The following RPS6KC1 variants were observed in gnomAD, a reference collection of about 807,000 sequenced individuals.
The protein encoded by RPS6KC1 is inactive ribosomal protein S6 kinase delta-1.
Under a neutral mutation model 103.8 loss-of-function variants are expected in RPS6KC1, and 54 were observed. The ratio of observed to expected loss-of-function variants is 0.52; its 90% CI spans 0.42 to 0.65. The LOEUF (loss-of-function observed/expected upper bound fraction) is 0.65, where lower values mean the gene tolerates loss of function less well. RPS6KC1 is among the 30% of genes least tolerant of loss of function. RPS6KC1 has a pLI of 0.00. For synonymous variants in RPS6KC1, 439 were observed against 438.7 expected (o/e 1.00, Z -0.01); for missense variants, 1,151 against 1,253.8 (o/e 0.92, Z 1.24).
chr1:213,266,167 G>A (rs915087767), intron 14 of RPS6KC1, among the ~76,000 whole-genome samples: 2 of 152,080 alleles, frequency 1.3e-5, no homozygotes, highest in Non-Finnish European at 2.9e-5. Flanking sequence ...TGGAATTATA[G>A]GGCTACTAAT....
At chr1:213,101,001 C>T (rs1486996833) in intron 3 of RPS6KC1, among the ~76,000 whole-genome samples, 1 of 152,156 alleles carries the variant, frequency 6.6e-6, no homozygotes, top group Non-Finnish European at 1.5e-5. Context: ...TGAGAAATCT[C>T]AAACATGCCT....
the RPS6KC1 span, among the ~76,000 whole-genome samples, chr1:213,451,305 G>A: frequency 6.6e-6 from 1 of 152,216 alleles, no homozygotes; most frequent in Non-Finnish European, 1.5e-5. Context: ...AGTATTTTAT[G>A]TGGGTCACCT....
the RPS6KC1 span, among the ~76,000 whole-genome samples, chr1:213,544,123 A>T: frequency 6.6e-6 from 1 of 152,204 alleles, no homozygotes; most frequent in Non-Finnish European, 1.5e-5. Context: ...AAGAAGAAAG[A>T]AATGGAAAGA....
At chr1:213,069,563 G>A (rs1446585804) in intron 1 of RPS6KC1, among the ~76,000 whole-genome samples, 1 of 152,162 alleles carries the variant, frequency 6.6e-6, no homozygotes, top group Non-Finnish European at 1.5e-5. Flanking sequence ...GACTTTAGGG[G>A]TGTTGCTGAA....
At chr1:213,490,375 G>A in the RPS6KC1 span, among the ~76,000 whole-genome samples, 1 of 152,192 alleles carries the variant, frequency 6.6e-6, no homozygotes, top group Non-Finnish European at 1.5e-5. Context: ...GGTGCCGGCT[G>A]AAGAGTCCAA....
At chr1:213,216,246 G>A (rs2093655953) in intron 8 of RPS6KC1, among the ~76,000 whole-genome samples, 1 of 152,150 alleles carries the variant, frequency 6.6e-6, no homozygotes, top group Admixed American at 6.5e-5. Flanking sequence ...TGATAAAACA[G>A]ACTTTTAACC....
the RPS6KC1 span, among the ~76,000 whole-genome samples, chr1:213,437,387 A>G: frequency 6.6e-6 from 1 of 152,006 alleles, no homozygotes; most frequent in Admixed American, 6.5e-5. Context: ...TAATTTTTTT[A>G]TGTATCACAG....
chr1:213,287,987 A>G, the RPS6KC1 span, among the ~76,000 whole-genome samples: 5 of 152,058 alleles, frequency 3.3e-5, no homozygotes, highest in Admixed American at 3.3e-4. Flanking sequence ...TAACTGCTAA[A>G]TGAACCAGAG....
At chr1:213,677,773 T>G in the RPS6KC1 span, among the ~76,000 whole-genome samples, 1 of 152,096 alleles carries the variant, frequency 6.6e-6, no homozygotes, top group Non-Finnish European at 1.5e-5. Context: ...TTTGGGAGGC[T>G]GAGGTGGGTG....
intron 3 of RPS6KC1, among the ~76,000 whole-genome samples, chr1:213,078,198 C>T (rs1209906630): frequency 7.1e-6 from 1 of 141,840 alleles, no homozygotes; most frequent in Admixed American, 7.0e-5. Flanking sequence ...CTAGTATTTG[C>T]TTCTTGCAAC....
At chr1:213,330,626 A>G in the RPS6KC1 span, among the ~76,000 whole-genome samples, 1 of 152,320 alleles carries the variant, frequency 6.6e-6, no homozygotes, top group South Asian at 2.1e-4. Flanking sequence ...CTGAGTTAGT[A>G]TGATCACTGG....
At chr1:213,509,702 A>G in the RPS6KC1 span, among the ~76,000 whole-genome samples, 1 of 152,224 alleles carries the variant, frequency 6.6e-6, no homozygotes, top group Admixed American at 6.5e-5. Flanking sequence ...TTAGGTATCA[A>G]AGGGTAAGCA....
the RPS6KC1 span, among the ~76,000 whole-genome samples, chr1:213,716,193 G>A: frequency 1.3e-5 from 2 of 152,178 alleles, no homozygotes; most frequent in Non-Finnish European, 2.9e-5. Flanking sequence ...TGCTCTGTGT[G>A]TGTGTGTTGG....
At chr1:213,402,436 C>T in the RPS6KC1 span, among the ~76,000 whole-genome samples, 1 of 151,780 alleles carries the variant, frequency 6.6e-6, no homozygotes, top group African/African-American at 2.4e-5. Context: ...TAGGCTTTGT[C>T]TAGCACCCAT....
chr1:213,798,000 A>C, the RPS6KC1 span, among the ~76,000 whole-genome samples: 1 of 152,192 alleles, frequency 6.6e-6, no homozygotes, highest in South Asian at 2.1e-4. Flanking sequence ...AATAAAATAC[A>C]AATAAAGCTT....
the RPS6KC1 span, among the ~76,000 whole-genome samples, chr1:213,536,562 G>A: frequency 6.6e-6 from 1 of 151,690 alleles, no homozygotes; most frequent in Admixed American, 6.5e-5. Context: ...ATAAATTAAC[G>A]AACAAAGACC....
the RPS6KC1 span, among the ~76,000 whole-genome samples, chr1:213,594,500 A>G: frequency 3.3e-5 from 5 of 152,210 alleles, no homozygotes; most frequent in African/African-American, 1.2e-4. Flanking sequence ...ATTTTTAGAG[A>G]GCCAAGGTGA....
At chr1:213,748,625 T>G in the RPS6KC1 span, among the ~76,000 whole-genome samples, 3 of 152,200 alleles carry the variant, frequency 2.0e-5, no homozygotes, top group Non-Finnish European at 4.4e-5. Context: ...CTAGTGAAAA[T>G]TAGTTCATTT....
chr1:213,058,224 T>G (rs2077519347), intron 1 of RPS6KC1, among the ~76,000 whole-genome samples: 1 of 151,966 alleles, frequency 6.6e-6, no homozygotes, highest in African/African-American at 2.4e-5. Flanking sequence ...ACTACAGGTA[T>G]GCCACTGCAC....
Sources: allele counts gnomAD v4.1 joint callset (sites outside exome capture counted in the v4.1 genomes callset), GRCh38; gene constraint gnomAD v4.1.1; transcripts MANE v1.5; gene names NCBI Gene and HGNC (gene_info 2026-07-23, HGNC 2026-07-21).